Variants in LETM1 observed in about 807,000 individuals in gnomAD.
LETM1 encodes the protein leucine zipper and EF-hand containing transmembrane protein 1.
A neutral mutation model predicts 74.5 loss-of-function variants in LETM1; 50 were observed. The ratio of observed to expected loss-of-function variants is 0.67; its 90% CI spans 0.53 to 0.85. LETM1 has a LOEUF of 0.85. Among genes scored for constraint, LETM1 ranks in the 40% least tolerant of loss-of-function variants. The pLI, the probability that LETM1 is intolerant of heterozygous loss-of-function variation, is 0.00. For synonymous variants in LETM1, 446 were observed against 407.1 expected (o/e 1.10, Z -1.15); for missense variants, 824 against 967.8 (o/e 0.85, Z 1.97).
At chr4:1,835,464 A>AAAACAAAC (rs752100559) in intron 4 of LETM1, among the ~76,000 whole-genome samples, 1 of 149,570 alleles carries the variant, frequency 6.7e-6, no homozygotes, top group Non-Finnish European at 1.5e-5. Context: ...AAACAAAACA[A>AAAACAAAC]AAACAAACAA....
rs1712058192 is a variant in LETM1, at chr4:1,827,890, C to T, written c.1081-2207G>A. Among the ~76,000 whole-genome samples the T allele has an allele frequency of 2.0e-5, 3 of 151,276 alleles. No homozygotes were observed. The South Asian group carries it at 6.3e-4, about 32-fold the overall frequency. On this transcript the variant is annotated intron_variant, in intron 6 of 13. Transcript: ENST00000302787. Reference sequence around the variant, plus strand: ...CCGGGCAGAGGCGCCCCCCCCACCTCCCGGACGGGGCGGCTGGCTGGGCGG... The same window carrying T: ...CCGGGCAGAGGCGCCCCCCCCACCTTCCGGACGGGGCGGCTGGCTGGGCGG...
Position 1,855,898 on chromosome 4 carries a change from G to A in LETM1, c.53C>T (p.Pro18Leu), listed in dbSNP as rs769399334. The A allele has an allele frequency of 3.2e-6, 4 of 1,240,464 alleles. No homozygotes were observed. The highest frequency in any genetic ancestry group is 4.0e-6 in the Non-Finnish European group (4 of 995,134). The allele number at this position is 1,240,464 out of a possible 1,614,324, so 76.8% of individuals were successfully genotyped here. A position where few individuals can be genotyped will look rare whatever the true frequency, so the allele number is the denominator to read the frequency against. ...CGGGACGGTGTACCGAGGCGGCGGC[G>A]GGAGGCGGGCGGGCGCCCGGCCGCG... ...SCRGRAPARL[P>L]PPPRYTVPRG... Residue 18 changes from proline to leucine, a missense_variant, in exon 1 of 14, where the codon CCG (proline) becomes CTG (leucine). Pro to Leu is a moderately conservative substitution (Grantham distance 98, BLOSUM62 -3). Coordinates refer to ENST00000302787, the MANE Select transcript of LETM1 (RefSeq NM_012318.3).
chr4:1,829,305 C>T (rs1200734929), intron 6 of LETM1, among the ~76,000 whole-genome samples: 5 of 146,330 alleles, frequency 3.4e-5, no homozygotes, highest in East Asian at 4.2e-4. Context: ...CGGGCAGAGG[C>T]GCCCCTCACC....
Position 1,832,958 on chromosome 4 carries a change from G to A in LETM1, c.877-11C>T, listed in dbSNP as rs747844695. On this transcript the variant is annotated splice_polypyrimidine_tract_variant and intron_variant, in intron 5 of 13. Coordinates refer to ENST00000302787, the MANE Select transcript of LETM1 (RefSeq NM_012318.3). ...CCCTGTTTCCCGGATCTGCGGAAGT[G>A]GTCACAAGGGTCATCCCCGGGACAC... The A allele has an allele frequency of 2.5e-6, 4 of 1,611,492 alleles. No individual in the cohort carries two copies. In the East Asian group the frequency reaches 8.9e-5, roughly 36 times the overall value.
intron 12 of LETM1, 33 bp from the exon 13 acceptor site, chr4:1,815,835 C>A: frequency 6.2e-7 from 1 of 1,608,340 alleles, no homozygotes. Context: ...TGGCCACGGG[C>A]AGGCGTCCTG....
chr4:1,817,123 G>A (rs562095239), intron 11 of LETM1, among the ~76,000 whole-genome samples: 1 of 151,584 alleles, frequency 6.6e-6, no homozygotes, highest in Non-Finnish European at 1.5e-5. Context: ...GCAGGCACCT[G>A]TAATCCAGTT....
chr4:1,832,483 T>G (rs1368766273), intron 6 of LETM1, among the ~76,000 whole-genome samples: 1 of 152,012 alleles, frequency 6.6e-6, no homozygotes. Context: ...ATAAGCAGGA[T>G]GAACACAAAG....
rs1327390643 is a variant in LETM1 at position 1,819,560 on chromosome 4, T to C, written c.1609-88A>G. On this transcript the variant is annotated intron_variant, in intron 10 of 13. Transcript: ENST00000302787. ...GTGACCAGCTGCTCTGTTCATATTA[T>C]ACGGGCAGCCCAGGGCAAGAGTCTC... is the stretch of plus-strand genomic sequence containing the variant. 3.5e-6 allele frequency: 5 copies of C among 1,433,340 alleles called. 1 individual carries two copies. In the Middle Eastern group the frequency reaches 7.3e-4, roughly 209 times the overall value. 88.8% of individuals were successfully genotyped at this position (1,433,340 alleles called of 1,614,324 possible).
chr4:1,822,399 G>A, intron 9 of LETM1, 87 bp from the exon 10 acceptor site: 1 of 1,304,278 alleles, frequency 7.7e-7, no homozygotes, highest in Non-Finnish European at 9.9e-7. Flanking sequence ...ATATGGCAGA[G>A]GCCACACTGG....
At chr4:1,817,696 A>G (rs1445897394) in intron 11 of LETM1, among the ~76,000 whole-genome samples, 1 of 152,258 alleles carries the variant, frequency 6.6e-6, no homozygotes, top group Non-Finnish European at 1.5e-5. Flanking sequence ...AGCAAAAGAC[A>G]TAGAATCTAT....
rs1416314931 is a variant in LETM1 at position 1,840,819 on chromosome 4, C to T, written c.594+528G>A. On this transcript the variant is annotated intron_variant, in intron 3 of 13. Coordinates refer to ENST00000302787, the MANE Select transcript of LETM1 (RefSeq NM_012318.3). ...TAGGGGGCACCTTGGGGACAGAGCC[C>T]TCACCCTGTGGGATCTGATGTTATC... is the stretch of plus-strand genomic sequence containing the variant. Among the ~76,000 whole-genome samples, 3 of 152,060 alleles carry T rather than the reference C, an allele frequency of 2.0e-5. 1 individual carries two copies. The highest frequency in any genetic ancestry group is 4.4e-5 in the Non-Finnish European group (3 of 68,000).
intron 2 of LETM1, 121 bp from the exon 3 acceptor site, chr4:1,841,918 C>T (rs1712715724): frequency 1.4e-6 from 1 of 732,702 alleles, no homozygotes; most frequent in Non-Finnish European, 2.3e-6. Context: ...CACAACCACA[C>T]ACAATCCCAC....
chr4:1,832,517 T>C (rs1712312387), intron 6 of LETM1, among the ~76,000 whole-genome samples: 2 of 152,102 alleles, frequency 1.3e-5, no homozygotes, highest in Non-Finnish European at 2.9e-5. Context: ...AGCAAGTTAT[T>C]ATAAATCTGA....
chr4:1,846,640 G>C (rs1712891515), intron 2 of LETM1: 1 of 152,172 alleles, frequency 6.6e-6, no homozygotes, highest in Non-Finnish European at 1.5e-5. Flanking sequence ...CTAATAAAAA[G>C]AGTAACAGAC....
intron 10 of LETM1, 30 bp from the exon 11 acceptor site, chr4:1,819,502 C>T (rs1215358598): frequency 1.2e-6 from 2 of 1,600,808 alleles, no homozygotes; most frequent in African/African-American, 2.7e-5. Context: ...ACAACAAAGC[C>T]TGAGCCAAGG....
At position 1,832,816 on chromosome 4, in the gene LETM1, C is replaced by T; in HGVS notation, c.1008G>A (p.Gln336=). ...LVALCKLLEL[Q]SIGTNNFLRF... ...GCAGGAAGTTGTTGGTGCCGATGGA[C>T]TGTAGCTCCAGCAGCTTGCACAGGG... is the stretch of plus-strand genomic sequence containing the variant. Residue 336 remains glutamine, a synonymous_variant, in exon 6 of 14, where the codon CAG becomes CAA. Coordinates refer to ENST00000302787, the MANE Select transcript of LETM1 (RefSeq NM_012318.3). 1 of 1,614,228 alleles carries T rather than the reference C, an allele frequency of 6.2e-7. No homozygotes were observed. Among genetic ancestry groups the T allele is most frequent in the Non-Finnish European group, 8.5e-7 (1 of 1,180,050 alleles).
intron 5 of LETM1, chr4:1,833,319 C>T (rs1712346523): frequency 7.1e-6 from 2 of 279,852 alleles, no homozygotes; most frequent in South Asian, 7.8e-5. Context: ...ACCTGCCCAG[C>T]TTGGCCTCAA....
chr4:1,822,430 T>G, intron 9 of LETM1, 118 bp from the exon 10 acceptor site: 1 of 1,180,540 alleles, frequency 8.5e-7, no homozygotes, highest in Non-Finnish European at 1.1e-6. Context: ...GCAGGTGACA[T>G]TGGGCAGCAC....
At chr4:1,847,229 T>C (rs1444208868) in intron 2 of LETM1, among the ~76,000 whole-genome samples, 1 of 151,590 alleles carries the variant, frequency 6.6e-6, no homozygotes, top group Non-Finnish European at 1.5e-5. Context: ...TAGTCCCAGC[T>C]ACTCAGGAGG....
Sources: allele counts gnomAD v4.1 joint callset (sites outside exome capture counted in the v4.1 genomes callset), GRCh38; gene constraint gnomAD v4.1.1; transcripts MANE v1.5; gene names NCBI Gene and HGNC (gene_info 2026-07-23, HGNC 2026-07-21).